The following KIF27 variants were observed in gnomAD, a reference collection of about 807,000 sequenced individuals.
The protein encoded by KIF27 is kinesin family member 27, also known as kinesin-like protein KIF27.
A neutral mutation model predicts 141.8 loss-of-function variants in KIF27; 84 were observed. The ratio of observed to expected loss-of-function variants is 0.59; its 90% CI spans 0.50 to 0.71. KIF27 has a LOEUF of 0.71. KIF27 is among the 30% of genes least tolerant of loss of function. KIF27 has a pLI of 0.00. For missense variants in KIF27, 1,306 were observed against 1,628.4 expected, an observed-to-expected ratio of 0.80 and a Z score of 3.41; for synonymous variants, 471 against 569.5, an observed-to-expected ratio of 0.83 and a Z score of 2.46.
intron 2 of KIF27, among the ~76,000 whole-genome samples, chr9:83,913,900 G>C (rs1221385249): frequency 6.6e-6 from 1 of 152,042 alleles, no homozygotes; most frequent in Non-Finnish European, 1.5e-5. Flanking sequence ...CATTTCTTAT[G>C]CAACACTTGC....
At chr9:83,883,428 T>G (rs1290342470) in intron 10 of KIF27, among the ~76,000 whole-genome samples, 2 of 152,272 alleles carry the variant, frequency 1.3e-5, no homozygotes, top group African/African-American at 4.8e-5. Flanking sequence ...CAATCAGTTA[T>G]GGTTTGGGAA....
At chr9:83,843,972 T>C (rs2131529068) in intron 16 of KIF27, among the ~76,000 whole-genome samples, 1 of 152,242 alleles carries the variant, frequency 6.6e-6, no homozygotes, top group Middle Eastern at 3.4e-3. Flanking sequence ...CAAGTATTGA[T>C]GCCAAGTATT....
Position 83,887,153 on chromosome 9 carries a change from C to A in KIF27, c.2127G>T (p.Leu709Phe), listed in dbSNP as rs1212670856. 2 of 1,587,078 alleles carry A rather than the reference C, an allele frequency of 1.3e-6. No individual in the cohort carries two copies. The highest frequency in any genetic ancestry group is 2.7e-5 in the African/African-American group (2 of 73,168). ...DCLQESQELN[L>F]QKLKNSERIL... is the part of the protein sequence containing the mutation. Reference sequence around the variant, plus strand: ...TGCGTTCTGAATTCTTTAATTTTTGCAAATTCAATTCTTGACTCTCCTGGA... The same window carrying A: ...TGCGTTCTGAATTCTTTAATTTTTGAAAATTCAATTCTTGACTCTCCTGGA... The change falls in exon 9 of 18, where the codon TTG (leucine) becomes TTT (phenylalanine). Residue 709 changes from leucine (L) to phenylalanine (F), a missense_variant. Leu to Phe is a conservative substitution (Grantham distance 22, BLOSUM62 0). Transcript: ENST00000297814.
chr9:83,913,516 T>C lies in KIF27; in HGVS notation c.298+1778A>G, dbSNP rs1370055849. On this transcript the variant is annotated intron_variant, in intron 2 of 17. Coordinates refer to ENST00000297814, the MANE Select transcript of KIF27 (RefSeq NM_017576.4). ...GCAGTGGCACGATCTTGGCTCACTG[T>C]AGCCTCCGCCTCCCAGGTTCAAGCG... 5.9e-5 allele frequency among the ~76,000 whole-genome samples: 9 copies of C among 152,120 alleles called. No homozygotes were observed. In the East Asian group the frequency reaches 1.7e-3, roughly 29 times the overall value.
At chr9:83,895,361 A>G (rs1251468335) in intron 5 of KIF27, among the ~76,000 whole-genome samples, 2 of 152,146 alleles carry the variant, frequency 1.3e-5, no homozygotes, top group Non-Finnish European at 2.9e-5. Flanking sequence ...TTTGATAAAA[A>G]TCAATATCCA....
chr9:83,907,332 AAATAAAT>A (rs1338779615), intron 3 of KIF27, among the ~76,000 whole-genome samples: 9 of 149,258 alleles, frequency 6.0e-5, no homozygotes, highest in Non-Finnish European at 3.0e-5. Context: ...ATAAATAAAT[AAATAAAT>A]AATATGTACA....
Position 83,880,398 on chromosome 9 carries a change from T to A in KIF27, c.2542A>T (p.Met848Leu), listed in dbSNP as rs777969757. 1.3e-6 allele frequency: 2 copies of A among 1,596,908 alleles called. No individual in the cohort carries two copies. Among genetic ancestry groups the A allele is most frequent in the Non-Finnish European group, 1.7e-6 (2 of 1,170,790 alleles). Residue 848 changes from methionine to leucine, a missense_variant, in exon 11 of 18, where the codon ATG becomes TTG. By Grantham distance (15) the Met-to-Leu change is conservative. Coordinates refer to ENST00000297814, the MANE Select transcript of KIF27 (RefSeq NM_017576.4). ...TGTAGCTGTATCTTTTGATATTTCA[T>A]GTGATCTACACTCTGCTCTAGCTCA... Reference protein sequence around the residue: ...ANELEQSVDHMKYQKIQLQRK... With the variant: ...ANELEQSVDHLKYQKIQLQRK...
intron 16 of KIF27, among the ~76,000 whole-genome samples, chr9:83,848,063 T>C (rs1424331152): frequency 9.6e-5 from 1 of 10,396 alleles, no homozygotes; most frequent in Non-Finnish European, 1.9e-4. Context: ...CTATATATCA[T>C]ATATATGATA....
intron 11 of KIF27, among the ~76,000 whole-genome samples, chr9:83,878,086 C>T (rs1415339449): frequency 1.4e-5 from 2 of 146,186 alleles, no homozygotes; most frequent in East Asian, 4.1e-4. Context: ...ATGGCGTGAA[C>T]TCAGGAGGCG....
At chr9:83,860,672 A>G (rs1473296384) in intron 13 of KIF27, among the ~76,000 whole-genome samples, 1 of 152,182 alleles carries the variant, frequency 6.6e-6, no homozygotes. Flanking sequence ...AATCTTTTCA[A>G]TCTATTCTTT....
At chr9:83,841,360 C>T (rs1587865231) in intron 17 of KIF27, among the ~76,000 whole-genome samples, 1 of 152,162 alleles carries the variant, frequency 6.6e-6, no homozygotes, top group African/African-American at 2.4e-5. Context: ...CATGAGCCAC[C>T]GCACCTAGCC....
intron 9 of KIF27, among the ~76,000 whole-genome samples, chr9:83,884,614 T>G (rs976073664): frequency 5.9e-5 from 9 of 152,178 alleles, no homozygotes; most frequent in Admixed American, 1.3e-4. Flanking sequence ...TAAATTCCTC[T>G]TTTTACTTAT....
intron 16 of KIF27, among the ~76,000 whole-genome samples, chr9:83,844,204 G>A (rs1280056920): frequency 1.4e-5 from 2 of 146,428 alleles, no homozygotes; most frequent in Admixed American, 6.7e-5. Context: ...CTTCAGTTTC[G>A]AGACTCAGAC....
chr9:83,888,753 T>C (rs560317596), intron 7 of KIF27, among the ~76,000 whole-genome samples, 161 bp from the exon 8 acceptor site: 4 of 138,700 alleles, frequency 2.9e-5, no homozygotes, highest in South Asian at 2.3e-4. Flanking sequence ...GCCCCCCCCA[T>C]CCATGTTGAA....
intron 10 of KIF27, among the ~76,000 whole-genome samples, chr9:83,883,517 T>C (rs1951843099): frequency 6.6e-6 from 1 of 152,232 alleles, no homozygotes; most frequent in Non-Finnish European, 1.5e-5. Flanking sequence ...ATTTGTATTA[T>C]TTAATCATTA....
intron 11 of KIF27, among the ~76,000 whole-genome samples, chr9:83,871,207 C>T (rs1453598729): frequency 6.6e-6 from 1 of 152,134 alleles, no homozygotes; most frequent in Non-Finnish European, 1.5e-5. Context: ...AGGCATAAGT[C>T]ACCATGCTCA....
In KIF27 at chr9:83,903,365, G is replaced by A. The variant is rs1414992383; in HGVS notation, c.1153C>T (p.Arg385Ter). The change falls in exon 4 of 18, where the codon CGA becomes TGA. Residue 385 changes from arginine to a stop codon, truncating the protein, a stop_gained. Coordinates refer to ENST00000297814, the MANE Select transcript of KIF27 (RefSeq NM_017576.4). LOFTEE classifies it high-confidence loss of function. ...AGVSQTTQIN[R>*]EGSPDTNRIH... ...CTATTTGTATCAGGACTCCCTTCTCGATTGATCTGGGTAGTTTGGCTGACA... is the reference window on the plus strand; with the variant it reads ...CTATTTGTATCAGGACTCCCTTCTCAATTGATCTGGGTAGTTTGGCTGACA... 26 of 1,614,060 alleles carry A rather than the reference G, an allele frequency of 1.6e-5. No individual in the cohort carries two copies. Among genetic ancestry groups the A allele is most frequent in the Non-Finnish European group, 1.9e-5 (23 of 1,180,022 alleles).
In KIF27 at chr9:83,883,697, T is replaced by C. The variant is rs11140282; in HGVS notation, c.2445+116A>G. On this transcript the variant is annotated intron_variant, in intron 10 of 17. Coordinates refer to ENST00000297814, the MANE Select transcript of KIF27 (RefSeq NM_017576.4). ...CAGCACACTACAAAAGAAAAGTTGA[T>C]ACCCAGTTTCTCTTGCTGGTATAAA... The C allele has an allele frequency of 8.6e-3, 5,635 of 657,384 alleles. 140 individuals carry two copies. The highest frequency in any genetic ancestry group is 0.038 in the East Asian group (1,406 of 37,026). 40.7% of individuals were successfully genotyped at this position (657,384 alleles called of 1,614,324 possible).
Position 83,903,578 on chromosome 9 carries a change from T to C in KIF27, c.940A>G (p.Met314Val), listed in dbSNP as rs759119585. The change falls in exon 4 of 18, where the codon ATG (methionine) becomes GTG (valine). Residue 314 changes from methionine to valine, a missense_variant. By Grantham distance (21) the Met-to-Val change is conservative. Transcript: ENST00000297814. ...GAGGAGGGGCTGACACATGTGATCA[T>C]GACAGTCTTAGCACTGCCTCCCAGA... ...DSLGGSAKTV[M>V]ITCVSPSSSN... 3.7e-6 allele frequency: 6 copies of C among 1,614,042 alleles called. No individual in the cohort carries two copies. The African/African-American group carries it at 4.0e-5, about 11-fold the overall frequency.
Sources: gnomAD v4.1 joint callset for allele counts (sites outside exome capture counted in the v4.1 genomes callset) on GRCh38, gnomAD v4.1.1 for gene constraint, MANE v1.5 for transcripts, NCBI Gene and HGNC (gene_info 2026-07-23, HGNC 2026-07-21) for gene names.